Variants in MARCHF7 observed in about 807,000 individuals in gnomAD.
MARCHF7 encodes the protein E3 ubiquitin-protein ligase MARCHF7.
MARCHF7 carries 20 observed loss-of-function variants against 76.5 expected under a neutral mutation model. The observed-to-expected ratio is 0.26, with a 90% CI of 0.18 to 0.38. MARCHF7 has a LOEUF of 0.38. Ranked by LOEUF, MARCHF7 falls within the 10% of genes least tolerant of loss-of-function variation. The probability of loss-of-function intolerance (pLI) is 1.00; values close to 1 mark genes in which losing one functional copy is unlikely to be tolerated. For missense variants in MARCHF7, 797 were observed against 812.9 expected, an observed-to-expected ratio of 0.98 and a Z score of 0.24; for synonymous variants, 295 against 293.0, an observed-to-expected ratio of 1.01 and a Z score of -0.07.
rs138251654 is a variant in MARCHF7, at chr2:159,742,894, C to T, written c.154-167C>T. Reference sequence around the variant, plus strand: ...AAAGGTTACAGTGAGCCAAGATTGCCCCACTGCACTCCAGCTTGGGCAACA... The same window carrying T: ...AAAGGTTACAGTGAGCCAAGATTGCTCCACTGCACTCCAGCTTGGGCAACA... On this transcript the variant is annotated intron_variant, in intron 4 of 11. Transcript: ENST00000409175. 2.9e-3 allele frequency among the ~76,000 whole-genome samples: 439 copies of T among 151,956 alleles called. No individual in the cohort carries two copies. The Middle Eastern group carries it at 0.044, about 15-fold the overall frequency.
chr2:159,737,167 A>G (rs533439192), intron 4 of MARCHF7, among the ~76,000 whole-genome samples: 57 of 152,338 alleles, frequency 3.7e-4, no homozygotes, highest in African/African-American at 1.3e-3. Context: ...AAATGCAAAA[A>G]AAGATTGATT....
At chr2:159,737,162 C>CA (rs1037028903) in intron 4 of MARCHF7, among the ~76,000 whole-genome samples, 17 of 151,772 alleles carry the variant, frequency 1.1e-4, no homozygotes, top group East Asian at 3.9e-4. Flanking sequence ...GCAGGAAATG[C>CA]AAAAAAAGAT....
chr2:159,745,527 C>T (rs942056228), intron 5 of MARCHF7, among the ~76,000 whole-genome samples: 4 of 152,106 alleles, frequency 2.6e-5, no homozygotes, highest in Middle Eastern at 3.2e-3. Context: ...TGGTGGCACG[C>T]GCCTTGTAGT....
intron 3 of MARCHF7, among the ~76,000 whole-genome samples, chr2:159,719,809 CAG>C (rs1363586630): frequency 2.0e-5 from 3 of 151,970 alleles, no homozygotes; most frequent in African/African-American, 4.8e-5. Flanking sequence ...AAACTAAAAA[CAG>C]AACAGATTAG....
At chr2:159,732,758 C>G in intron 4 of MARCHF7, 1 of 776,152 alleles carries the variant, frequency 1.3e-6, no homozygotes, top group Non-Finnish European at 1.6e-6. Context: ...ATTCAAACTC[C>G]TGGCCTCCAG....
At chr2:159,765,079 A>T (rs1307728453) in intron 11 of MARCHF7, among the ~76,000 whole-genome samples, 1 of 152,130 alleles carries the variant, frequency 6.6e-6, no homozygotes. Context: ...ATCATAAGAG[A>T]TTATTCCTGG....
intron 7 of MARCHF7, among the ~76,000 whole-genome samples, chr2:159,749,544 C>T (rs562627798): frequency 6.6e-6 from 1 of 152,142 alleles, no homozygotes; most frequent in South Asian, 2.1e-4. Context: ...GGCAGGGTTT[C>T]ACCACATTGG....
At chr2:159,727,969 GT>G (rs771159120) in intron 3 of MARCHF7, among the ~76,000 whole-genome samples, 54 of 152,212 alleles carry the variant, frequency 3.5e-4, no homozygotes, top group Non-Finnish European at 6.2e-4. Flanking sequence ...ATAACATTTT[GT>G]TTTTTTCTTA....
At chr2:159,740,222 C>G (rs1703968219) in intron 4 of MARCHF7, among the ~76,000 whole-genome samples, 1 of 152,142 alleles carries the variant, frequency 6.6e-6, no homozygotes, top group Admixed American at 6.5e-5. Flanking sequence ...AAAAGTCTTT[C>G]TATATAGTAG....
chr2:159,713,717 C>T (rs1417828933), intron 1 of MARCHF7, among the ~76,000 whole-genome samples: 1 of 152,128 alleles, frequency 6.6e-6, no homozygotes, highest in East Asian at 1.9e-4. Flanking sequence ...TATTTAACAG[C>T]TCTACAGCAT....
chr2:159,713,469 G>T (rs973330664), intron 1 of MARCHF7, among the ~76,000 whole-genome samples: 9 of 152,172 alleles, frequency 5.9e-5, no homozygotes, highest in Admixed American at 1.3e-4. Context: ...TGTGAAAACT[G>T]AAATTTGGCG....
intron 4 of MARCHF7, among the ~76,000 whole-genome samples, chr2:159,741,953 AC>A (rs1158596022): frequency 5.9e-5 from 9 of 152,184 alleles, no homozygotes; most frequent in African/African-American, 2.2e-4. Context: ...CATGATGGAA[AC>A]ATTTTTGTAA....
intron 10 of MARCHF7, among the ~76,000 whole-genome samples, chr2:159,764,255 T>TGCGTGCGC (rs1553788077): frequency 7.6e-6 from 1 of 131,370 alleles, no homozygotes; most frequent in African/African-American, 3.0e-5. Flanking sequence ...TGTGTGTGTG[T>TGCGTGCGC]GCGCGCGCCC....
Position 159,726,230 on chromosome 2 carries a change from T to C in MARCHF7, c.-14-2779T>C, listed in dbSNP as rs1170759414. Among the ~76,000 whole-genome samples the C allele has an allele frequency of 3.3e-4, 11 of 33,046 alleles. No homozygotes were observed. In the South Asian group the frequency reaches 0.013, roughly 39 times the overall value. 21.7% of individuals were successfully genotyped at this position (33,046 alleles called of 152,430 possible). On this transcript the variant is annotated intron_variant, in intron 3 of 11. Transcript: ENST00000409175. ...TGCTCCAGATACAGGTTTTGTTTTGTTTTGTTTTGTTTTGTTTTGTTTTGT... is the reference window on the plus strand; with the variant it reads ...TGCTCCAGATACAGGTTTTGTTTTGCTTTGTTTTGTTTTGTTTTGTTTTGT...
chr2:159,722,001 A>T (rs1402147751), intron 3 of MARCHF7, among the ~76,000 whole-genome samples: 1 of 152,208 alleles, frequency 6.6e-6, no homozygotes, highest in African/African-American at 2.4e-5. Flanking sequence ...ACAGAAGGAA[A>T]AGACCATTTC....
chr2:159,766,052 C>T (rs1040083414), intron 11 of MARCHF7, among the ~76,000 whole-genome samples: 3 of 149,764 alleles, frequency 2.0e-5, no homozygotes, highest in Non-Finnish European at 4.4e-5. Flanking sequence ...ATTGTCTGCT[C>T]CTAACATGTG....
At chr2:159,766,219 C>G (rs922974861) in intron 11 of MARCHF7, among the ~76,000 whole-genome samples, 1 of 152,086 alleles carries the variant, frequency 6.6e-6, no homozygotes, top group African/African-American at 2.4e-5. Context: ...AATGGAAAAA[C>G]ACAAGAAGTT....
At chr2:159,763,636 T>G (rs1707369756) in intron 10 of MARCHF7, among the ~76,000 whole-genome samples, 1 of 152,218 alleles carries the variant, frequency 6.6e-6, no homozygotes, top group African/African-American at 2.4e-5. Context: ...CTGCCATTAT[T>G]GTAGCATTCT....
rs535695438 is a variant in MARCHF7 at position 159,748,690 on chromosome 2, C to T, written c.1400C>T (p.Ala467Val). ...ACAGGTGGCTCTACATCAGATTCGG[C>T]TCAAGGTGGAAGAAATACAGGAATA... ...ATTGGSTSDS[A>V]QGGRNTGISG... is the part of the protein sequence containing the mutation. Residue 467 changes from alanine to valine, a missense_variant, in exon 7 of 12, where the codon GCT becomes GTT. Physicochemically the swap from Ala to Val is moderately conservative, Grantham distance 64 (BLOSUM62 0). Around this residue, in one of 3 missense-constraint regions of MARCHF7, gnomAD observed 643 missense variants for 631.5 expected, o/e 1.02. Coordinates refer to ENST00000409175, the MANE Select transcript of MARCHF7 (RefSeq NM_001282805.2). 6.8e-6 allele frequency: 11 copies of T among 1,614,134 alleles called. No individual in the cohort carries two copies. The Admixed American group carries it at 1.0e-4, about 15-fold the overall frequency.
Sources: gnomAD v4.1 joint callset for allele counts (sites outside exome capture counted in the v4.1 genomes callset) on GRCh38, gnomAD v4.1.1 for gene constraint, gnomAD v4.1.1 regional missense constraint, MANE v1.5 for transcripts, NCBI Gene and HGNC (gene_info 2026-07-23, HGNC 2026-07-21) for gene names.